Variants in SLC38A6 observed in about 807,000 individuals in gnomAD.
SLC38A6 encodes the protein solute carrier family 38 member 6.
SLC38A6 carries 73 observed loss-of-function variants against 65.0 expected under a neutral mutation model. The observed-to-expected ratio is 1.12, with a 90% confidence interval of 0.93 to 1.37. The LOEUF is 1.37. Ranked by LOEUF, SLC38A6 falls within the 40% of genes most tolerant of loss-of-function variation. The probability of loss-of-function intolerance (pLI) is 0.00; values close to 1 mark genes in which losing one functional copy is unlikely to be tolerated. For missense variants in SLC38A6, 561 were observed against 531.1 expected (o/e 1.06, Z -0.55); for synonymous variants, 183 against 178.8 (o/e 1.02, Z -0.19).
chr14:61,017,484 A>G (rs2040088667), intron 4 of SLC38A6, among the ~76,000 whole-genome samples: 1 of 152,200 alleles, frequency 6.6e-6, no homozygotes. Context: ...CTTAGTAGCA[A>G]TGTTTCTGTT....
At chr14:61,047,970 GATAGATACATACATAC>G (rs60229633) in intron 12 of SLC38A6, among the ~76,000 whole-genome samples, 64,710 of 140,234 alleles carry the variant, frequency 0.46, 15,678 homozygotes, top group Non-Finnish European at 0.55. Flanking sequence ...TAGATAGATA[GATAGATACATACATAC>G]ATACATACAT....
chr14:61,052,617 G>C lies in SLC38A6; in HGVS notation c.*188G>C. On this transcript the variant is annotated 3_prime_UTR_variant, in exon 16 of 16. Transcript: ENST00000267488. ...TTTAATCAAAAAAAGAAACAAACTC[G>C]AAATGCTCTTAAATATATTGGGTTG... 1 of 666,730 alleles carries C rather than the reference G, an allele frequency of 1.5e-6. No homozygotes were observed. Among genetic ancestry groups the C allele is most frequent in the East Asian group, 4.1e-5 (1 of 24,468 alleles). 41.3% of individuals were successfully genotyped at this position (666,730 alleles called of 1,614,324 possible). A position where few individuals can be genotyped will look rare whatever the true frequency, so the allele number is the denominator to read the frequency against.
chr14:61,004,076 CT>C (rs2038903833), intron 3 of SLC38A6, among the ~76,000 whole-genome samples: 1 of 152,146 alleles, frequency 6.6e-6, no homozygotes, highest in African/African-American at 2.4e-5. Context: ...CTTCATTAAA[CT>C]GTTAGTTTGA....
At chr14:61,015,183 G>T (rs772763702) in intron 3 of SLC38A6, among the ~76,000 whole-genome samples, 12 of 152,246 alleles carry the variant, frequency 7.9e-5, no homozygotes, top group African/African-American at 2.4e-4. Flanking sequence ...CTCCGAGCCA[G>T]GTGCGGGATA....
intron 6 of SLC38A6, chr14:61,034,020 CAT>C (rs2041175535): frequency 6.6e-6 from 1 of 152,128 alleles, no homozygotes; most frequent in South Asian, 2.1e-4. Context: ...ATTTTACAGA[CAT>C]ATAAAATGAA....
intron 10 of SLC38A6, among the ~76,000 whole-genome samples, chr14:61,044,965 A>C (rs1222112418): frequency 1.3e-5 from 2 of 152,198 alleles, no homozygotes; most frequent in African/African-American, 4.8e-5. Flanking sequence ...TTGTGCGTAC[A>C]TTTAGAAGAC....
intron 1 of SLC38A6, 42 bp downstream of exon 1, chr14:60,981,424 G>A (rs755540095): frequency 1.9e-5 from 29 of 1,553,784 alleles, no homozygotes; most frequent in Non-Finnish European, 2.4e-5. Flanking sequence ...ACGCCCTCCG[G>A]CTTCCCTCAA....
rs377373577 is a variant in SLC38A6 at position 61,008,946 on chromosome 14, G to C, written c.311-6958G>C. On this transcript the variant is annotated intron_variant, in intron 3 of 15. Coordinates refer to ENST00000267488, the MANE Select transcript of SLC38A6 (RefSeq NM_153811.3). The stretch of plus-strand genomic sequence containing the variant: ...GCAAGTACTGTATAGTAAGAAGTAG[G>C]GATGTTCTTGAGTAATTGTTCCATT... Among the ~76,000 whole-genome samples, 48 of 152,224 alleles carry C rather than the reference G, an allele frequency of 3.2e-4. No homozygotes were observed. The South Asian group carries it at 9.6e-3, about 30-fold the overall frequency.
chr14:61,000,840 A>G (rs191089445), intron 3 of SLC38A6, among the ~76,000 whole-genome samples: 11 of 152,310 alleles, frequency 7.2e-5, no homozygotes, highest in African/African-American at 2.4e-4. Context: ...AGGTACTCTC[A>G]CCGACAATCA....
intron 2 of SLC38A6, among the ~76,000 whole-genome samples, chr14:60,984,033 G>A (rs2139670770): frequency 1.3e-5 from 2 of 152,194 alleles, no homozygotes; most frequent in African/African-American, 4.8e-5. Flanking sequence ...GCAGTTCACT[G>A]GGGATAGCTG....
intron 3 of SLC38A6, among the ~76,000 whole-genome samples, chr14:60,990,255 T>C (rs1056571199): frequency 2.0e-5 from 3 of 152,218 alleles, no homozygotes; most frequent in African/African-American, 7.2e-5. Flanking sequence ...GGTCTCAAAC[T>C]TCTGGCTTCA....
chr14:60,992,268 A>C (rs1167503820), intron 3 of SLC38A6, among the ~76,000 whole-genome samples: 1 of 152,212 alleles, frequency 6.6e-6, no homozygotes, highest in Non-Finnish European at 1.5e-5. Context: ...TGTGAGCTCA[A>C]CGTGTTTAAA....
chr14:61,015,997 G>T, intron 4 of SLC38A6, 41 bp downstream of exon 4: 1 of 1,513,242 alleles, frequency 6.6e-7, no homozygotes, highest in South Asian at 1.2e-5. Context: ...AACCCAAAGT[G>T]GCATTTTTCC....
intron 16 of SLC38A6, among the ~76,000 whole-genome samples, chr14:61,080,763 A>G (rs2043612914): frequency 6.6e-6 from 1 of 152,166 alleles, no homozygotes; most frequent in Non-Finnish European, 1.5e-5. Flanking sequence ...GGCCCTGGTC[A>G]CTGCTGTTGG....
intron 3 of SLC38A6, among the ~76,000 whole-genome samples, chr14:61,001,540 C>T (rs961878130): frequency 2.0e-5 from 3 of 152,184 alleles, no homozygotes; most frequent in South Asian, 2.1e-4. Context: ...TGTGTGCACA[C>T]ACTTATGCAG....
chr14:61,006,303 G>T (rs1016119195), intron 3 of SLC38A6, among the ~76,000 whole-genome samples: 3 of 152,270 alleles, frequency 2.0e-5, no homozygotes, highest in African/African-American at 7.2e-5. Flanking sequence ...AAAAGCAATG[G>T]CAACAAAAGC....
intron 3 of SLC38A6, among the ~76,000 whole-genome samples, chr14:60,985,579 T>A (rs989920477): frequency 6.6e-6 from 1 of 152,226 alleles, no homozygotes; most frequent in Admixed American, 6.5e-5. Context: ...TTAATTCTTA[T>A]ATGGATGAGT....
At position 61,009,438 on chromosome 14, in the gene SLC38A6, C is replaced by G. The variant is rs1398017447; in HGVS notation, c.311-6466C>G. Among the ~76,000 whole-genome samples the G allele has an allele frequency of 5.3e-5, 8 of 152,132 alleles. No homozygotes were observed. In the East Asian group the frequency reaches 1.5e-3, roughly 29 times the overall value. On this transcript the variant is annotated intron_variant, in intron 3 of 15. Transcript: ENST00000267488. Reference sequence around the variant, plus strand: ...TTCTAGGGTACATGTACACAACGTGCAGGTTTGTTACATATGGATACATGT... The same window carrying G: ...TTCTAGGGTACATGTACACAACGTGGAGGTTTGTTACATATGGATACATGT...
intron 3 of SLC38A6, among the ~76,000 whole-genome samples, chr14:61,014,143 A>G (rs2039808782): frequency 6.6e-6 from 1 of 152,078 alleles, no homozygotes; most frequent in Non-Finnish European, 1.5e-5. Flanking sequence ...TTGATCTTTC[A>G]TCACTGATAG....
Sources: gnomAD v4.1 joint callset for allele counts (sites outside exome capture counted in the v4.1 genomes callset) on GRCh38, gnomAD v4.1.1 for gene constraint, MANE v1.5 for transcripts, NCBI Gene and HGNC (gene_info 2026-07-23, HGNC 2026-07-21) for gene names.